SBF2: variants seen among roughly 807,000 people sequenced by gnomAD.
SBF2 encodes SET binding factor 2.
SBF2 carries 112 observed loss-of-function variants against 225.2 expected under a neutral mutation model. The ratio of observed to expected loss-of-function variants is 0.50; its 90% CI spans 0.43 to 0.58. The LOEUF (loss-of-function observed/expected upper bound fraction) is 0.58, where lower values mean the gene tolerates loss of function less well. Among genes scored for constraint, SBF2 ranks in the 20% least tolerant of loss-of-function variants. The pLI is 0.00. For synonymous variants in SBF2, 763 were observed against 773.3 expected (o/e 0.99, Z 0.22); for missense variants, 1,996 against 2,206.2 (o/e 0.90, Z 1.91).
intron 2 of SBF2, among the ~76,000 whole-genome samples, chr11:10,183,649 C>A (rs1218514186): frequency 6.6e-6 from 1 of 152,160 alleles, no homozygotes; most frequent in Admixed American, 6.5e-5. Context: ...TGTTCTAGCA[C>A]CATTTGGGCT....
At chr11:9,877,698 C>T (rs1859378999) in intron 17 of SBF2, among the ~76,000 whole-genome samples, 1 of 152,210 alleles carries the variant, frequency 6.6e-6, no homozygotes, top group African/African-American at 2.4e-5. Context: ...TTTCCAGCTT[C>T]ATCCATGTCC....
chr11:10,029,909 G>A, intron 4 of SBF2, 34 bp from the exon 5 acceptor site: 5 of 1,383,602 alleles, frequency 3.6e-6, no homozygotes, highest in South Asian at 1.2e-5. Context: ...ATTATTTCAT[G>A]GAAAAAGCAT....
chr11:10,289,758 G>T (rs571062135), intron 1 of SBF2, among the ~76,000 whole-genome samples: 2 of 152,282 alleles, frequency 1.3e-5, no homozygotes, highest in African/African-American at 4.8e-5. Flanking sequence ...CCTGAAGCAG[G>T]CACTGCTCCC....
intron 16 of SBF2, among the ~76,000 whole-genome samples, chr11:9,951,363 T>G (rs61876978): frequency 0.11 from 17,274 of 152,058 alleles, 1,101 homozygotes; most frequent in Non-Finnish European, 0.13. Flanking sequence ...TGGAGAACAG[T>G]TATATTATAG....
At chr11:10,280,435 T>G (rs566448358) in intron 1 of SBF2, among the ~76,000 whole-genome samples, 1 of 152,322 alleles carries the variant, frequency 6.6e-6, no homozygotes, top group East Asian at 1.9e-4. Context: ...TCACATCTAT[T>G]CCATACATTT....
chr11:9,899,394 C>T lies in SBF2; in HGVS notation c.1861-3383G>A, dbSNP rs187164506. 3.3e-3 allele frequency among the ~76,000 whole-genome samples: 495 copies of T among 148,362 alleles called. 1 individual carries two copies. Among genetic ancestry groups the T allele is most frequent in the African/African-American group, 0.012 (471 of 40,204 alleles). Reference sequence around the variant, plus strand: ...TGGTGCATGCATGTAGTCCCAGCTACTTGGGAGGCTGAGATGGGAGGATCG... The same window carrying T: ...TGGTGCATGCATGTAGTCCCAGCTATTTGGGAGGCTGAGATGGGAGGATCG... On this transcript the variant is annotated intron_variant, in intron 16 of 39. Transcript: ENST00000256190.
Position 10,031,188 on chromosome 11 carries a change from G to A in SBF2, c.280-18C>T, listed in dbSNP as rs749120143. On this transcript the variant is annotated intron_variant, in intron 3 of 39. Transcript: ENST00000256190. ...TTTGTTCCCTAGAAAAAGAGACACT[G>A]AAATCAACAAACAGAAGGGATTTCC... The A allele has an allele frequency of 8.7e-6, 14 of 1,611,872 alleles. No individual in the cohort carries two copies. Among genetic ancestry groups the A allele is most frequent in the Non-Finnish European group, 1.2e-5 (14 of 1,178,924 alleles).
chr11:9,951,849 T>G lies in SBF2; in HGVS notation c.1860+10108A>C, dbSNP rs141768996. Among the ~76,000 whole-genome samples, 120 of 152,312 alleles carry G rather than the reference T, an allele frequency of 7.9e-4. 1 individual carries two copies. In the East Asian group the frequency reaches 0.019, roughly 24 times the overall value. On this transcript the variant is annotated intron_variant, in intron 16 of 39. Transcript: ENST00000256190. ...ACAATGGTGGGGAGCAGCAAATGACTTTGTTTGATGGTCCCTTCTGTTTAG... is the reference window on the plus strand; with the variant it reads ...ACAATGGTGGGGAGCAGCAAATGACGTTGTTTGATGGTCCCTTCTGTTTAG...
At chr11:9,882,825 C>CA (rs1163905995) in intron 17 of SBF2, among the ~76,000 whole-genome samples, 4 of 142,076 alleles carry the variant, frequency 2.8e-5, no homozygotes, top group African/African-American at 7.9e-5. Context: ...AAAAAACCAC[C>CA]AAAAAAAACC....
chr11:9,805,194 C>T (rs1272753703), intron 32 of SBF2, among the ~76,000 whole-genome samples: 11 of 148,936 alleles, frequency 7.4e-5, no homozygotes, highest in Non-Finnish European at 1.2e-4. Context: ...TGTAGTGAGC[C>T]GAGATCACAC....
At chr11:9,918,112 G>GATAT (rs1264305631) in intron 16 of SBF2, among the ~76,000 whole-genome samples, 2 of 148,334 alleles carry the variant, frequency 1.3e-5, no homozygotes, top group Non-Finnish European at 2.9e-5. Flanking sequence ...GCAGTTATAT[G>GATAT]ATCATTGCCC....
At chr11:9,866,473 G>A (rs1858231250) in intron 17 of SBF2, among the ~76,000 whole-genome samples, 1 of 152,202 alleles carries the variant, frequency 6.6e-6, no homozygotes, top group African/African-American at 2.4e-5. Context: ...AACAGATACT[G>A]GGGAAATAAC....
chr11:9,812,727 A>G lies in SBF2; in HGVS notation c.3979-19T>C. The G allele has an allele frequency of 6.2e-7, 1 of 1,612,636 alleles. No individual in the cohort carries two copies. The highest frequency in any genetic ancestry group is 8.5e-7 in the Non-Finnish European group (1 of 1,178,974). On this transcript the variant is annotated intron_variant, in intron 29 of 39. Transcript: ENST00000256190. ...TGAAGTTCTGCGGATGAAGATTCAG[A>G]GAATTAGGCAGATGAAGTGCTATAG...
intron 1 of SBF2, among the ~76,000 whole-genome samples, chr11:10,244,074 C>G (rs1352702266): frequency 6.6e-6 from 1 of 152,154 alleles, no homozygotes; most frequent in East Asian, 1.9e-4. Flanking sequence ...ATGTTAAGAT[C>G]ATAAACCATG....
rs1590064311 is a variant in SBF2, at chr11:9,779,734, G to C, written c.*684C>G. 1 of 155,284 alleles carries C rather than the reference G, an allele frequency of 6.4e-6. No homozygotes were observed. The highest frequency in any genetic ancestry group is 1.9e-4 in the East Asian group (1 of 5,264). 9.6% of individuals were successfully genotyped at this position (155,284 alleles called of 1,614,324 possible). A position where few individuals can be genotyped will look rare whatever the true frequency, so the allele number is the denominator to read the frequency against. On this transcript the variant is annotated 3_prime_UTR_variant, in exon 40 of 40. Transcript: ENST00000256190. ...ATCCTCAGAGCACCTCTGGTCTAGA[G>C]AATTCAGTGTTTTGGAAGTAGTGTT...
chr11:9,931,282 G>C (rs1358814447), intron 16 of SBF2, among the ~76,000 whole-genome samples: 1 of 152,262 alleles, frequency 6.6e-6, no homozygotes, highest in African/African-American at 2.4e-5. Context: ...TGAGCTCTGA[G>C]AATGGACAGA....
At chr11:9,904,041 C>A (rs750909235) in intron 16 of SBF2, among the ~76,000 whole-genome samples, 29 of 152,078 alleles carry the variant, frequency 1.9e-4, no homozygotes, top group Admixed American at 1.7e-3. Context: ...TATCACCTGA[C>A]ATTCCTAGAG....
intron 17 of SBF2, among the ~76,000 whole-genome samples, chr11:9,870,659 G>T (rs1270508914): frequency 6.6e-6 from 1 of 152,014 alleles, no homozygotes; most frequent in Non-Finnish European, 1.5e-5. Context: ...ATTGAAACTG[G>T]ACCTCTTCCT....
At chr11:9,876,339 T>G (rs146449043) in intron 17 of SBF2, among the ~76,000 whole-genome samples, 3 of 152,328 alleles carry the variant, frequency 2.0e-5, no homozygotes, top group African/African-American at 4.8e-5. Context: ...TCTCTTTATT[T>G]ACTATGTGTT....
Sources: gnomAD v4.1 joint callset for allele counts (sites outside exome capture counted in the v4.1 genomes callset) on GRCh38, gnomAD v4.1.1 for gene constraint, MANE v1.5 for transcripts, NCBI Gene and HGNC (gene_info 2026-07-23, HGNC 2026-07-21) for gene names.